The following MGST1 variants were observed in gnomAD, a reference collection of about 807,000 sequenced individuals.
MGST1 encodes glutathione S-transferase 12.
In MGST1, 5 loss-of-function variants were observed where a neutral mutation model predicts 8.9. The ratio of observed to expected loss-of-function variants is 0.56; its 90% CI spans 0.29 to 1.19. The LOEUF is 1.19. Among genes scored for constraint, MGST1 ranks in the 50% most tolerant of loss-of-function variants. The probability of loss-of-function intolerance (pLI) is 0.08; values close to 1 mark genes in which losing one functional copy is unlikely to be tolerated. For missense variants in MGST1, 182 were observed against 187.4 expected (o/e 0.97, Z 0.17); for synonymous variants, 54 against 67.8 (o/e 0.80, Z 1.00).
intron 4 of MGST1, among the ~76,000 whole-genome samples, chr12:16,528,973 G>A (rs1163892024): frequency 6.6e-6 from 1 of 151,908 alleles, no homozygotes; most frequent in Non-Finnish European, 1.5e-5. Context: ...ATGAAAGTCA[G>A]TGAGAGCTCT....
chr12:16,399,807 G>C, intron 1 of MGST1: 1 of 1,200,964 alleles, frequency 8.3e-7, no homozygotes, highest in East Asian at 2.3e-5. Flanking sequence ...GAGGCTACAA[G>C]AATGGCATTG....
chr12:16,455,746 T>C (rs1369134998), intron 4 of MGST1, among the ~76,000 whole-genome samples: 1 of 151,872 alleles, frequency 6.6e-6, no homozygotes, highest in East Asian at 1.9e-4. Context: ...ACAAGAAAGT[T>C]ACATTTATAA....
intron 4 of MGST1, among the ~76,000 whole-genome samples, chr12:16,502,856 AT>A (rs1457864332): frequency 1.3e-5 from 2 of 152,196 alleles, no homozygotes; most frequent in Non-Finnish European, 2.9e-5. Flanking sequence ...GGGAACAGAA[AT>A]TTAGTACTTC....
chr12:16,489,149 A>T (rs1332297249), intron 4 of MGST1, among the ~76,000 whole-genome samples: 1 of 152,148 alleles, frequency 6.6e-6, no homozygotes, highest in East Asian at 1.9e-4. Flanking sequence ...AAATAGGTAA[A>T]TACTTATTGA....
intron 4 of MGST1, among the ~76,000 whole-genome samples, chr12:16,487,625 T>C (rs1349720045): frequency 6.6e-6 from 1 of 152,090 alleles, no homozygotes; most frequent in African/African-American, 2.4e-5. Context: ...AGAGAAATAA[T>C]ATCTATATCT....
chr12:16,431,847 A>C (rs150469888), intron 1 of MGST1, among the ~76,000 whole-genome samples: 37 of 152,348 alleles, frequency 2.4e-4, no homozygotes, highest in Middle Eastern at 3.4e-3. Context: ...ACAACAACAA[A>C]AAAATGCAGT....
intron 4 of MGST1, among the ~76,000 whole-genome samples, chr12:16,463,682 T>C (rs1941236183): frequency 6.6e-6 from 1 of 152,036 alleles, no homozygotes; most frequent in South Asian, 2.1e-4. Flanking sequence ...TAAAAATAGA[T>C]TCTACTTTGA....
chr12:16,515,279 A>G (rs1049371425), intron 4 of MGST1, among the ~76,000 whole-genome samples: 2 of 152,214 alleles, frequency 1.3e-5, no homozygotes, highest in Non-Finnish European at 2.9e-5. Flanking sequence ...CCTTAGGCAC[A>G]AAGAATTTTA....
At chr12:16,385,999 C>A (rs1372780802) in intron 1 of MGST1, among the ~76,000 whole-genome samples, 3 of 152,168 alleles carry the variant, frequency 2.0e-5, no homozygotes, top group African/African-American at 7.2e-5. Context: ...TGCCTTCACT[C>A]TTTGCTTCAT....
intron 1 of MGST1, among the ~76,000 whole-genome samples, chr12:16,435,992 T>C (rs1293710341): frequency 6.7e-6 from 1 of 149,276 alleles, no homozygotes; most frequent in Non-Finnish European, 1.5e-5. Context: ...CTGCTGCAAA[T>C]ACACACACAC....
Position 16,363,594 on chromosome 12 carries a change from A to C in MGST1, c.222-201A>C. On this transcript the variant is annotated intron_variant, in intron 3 of 3. Transcript: ENST00000396210. This position sits in a 1 kb window ranked among gnomAD's most constrained non-coding sequence, Gnocchi z 4.6. ...ATATTTAAAGATACACTAAAAATAA[A>C]AAGAAACAGAAATAATGAGAGATTC... 1 of 395,832 alleles carries C rather than the reference A, an allele frequency of 2.5e-6. No homozygotes were observed. The highest frequency in any genetic ancestry group is 4.4e-6 in the Non-Finnish European group (1 of 228,034). 24.5% of individuals were successfully genotyped at this position (395,832 alleles called of 1,614,324 possible). A position where few individuals can be genotyped will look rare whatever the true frequency, so the allele number is the denominator to read the frequency against.
intron 4 of MGST1, among the ~76,000 whole-genome samples, chr12:16,510,338 A>G (rs1047702541): frequency 2.6e-5 from 4 of 152,200 alleles, no homozygotes; most frequent in African/African-American, 9.7e-5. Flanking sequence ...GAAAGGAGAG[A>G]AAAAGAAAGG....
intron 4 of MGST1, among the ~76,000 whole-genome samples, chr12:16,538,885 G>A (rs1383101111): frequency 2.0e-5 from 3 of 152,166 alleles, no homozygotes; most frequent in Non-Finnish European, 4.4e-5. Context: ...TGGGATTACA[G>A]GCATGAGCCA....
At chr12:16,541,870 G>T (rs1442174744) in intron 4 of MGST1, among the ~76,000 whole-genome samples, 1 of 152,038 alleles carries the variant, frequency 6.6e-6, no homozygotes. Context: ...ATCAGGCAGG[G>T]GTTGCTTTTG....
At position 16,409,331 on chromosome 12, in the gene MGST1, C is replaced by A. The variant is rs115842509; in HGVS notation, n.778+25727C>A. Among the ~76,000 whole-genome samples, 347 of 151,946 alleles carry A rather than the reference C, an allele frequency of 2.3e-3. 2 individuals are homozygous for A. The highest frequency in any genetic ancestry group is 7.6e-3 in the African/African-American group (316 of 41,450). On this transcript the variant is annotated intron_variant and non_coding_transcript_variant, in intron 1 of 1. Transcript: ENST00000359720. The stretch of plus-strand genomic sequence containing the variant: ...GCATACACACATATCCACACACACA[C>A]CTATATATATTCTGAAAGGAATCTC...
rs879806960 is a variant in MGST1, at chr12:16,348,863, C to T, written c.-23+1153C>T. On this transcript the variant is annotated intron_variant, in intron 1 of 3. Coordinates refer to ENST00000396210, the MANE Select transcript of MGST1 (RefSeq NM_020300.5). ...TTTGGATATTACCCTCTCTGGCAGA[C>T]GAGTAAAATTTTTCTACCGCTTTGT... The T allele has an allele frequency of 6.0e-5, 9 of 149,758 alleles. No homozygotes were observed. The South Asian group carries it at 6.4e-4, about 11-fold the overall frequency. 9.3% of individuals were successfully genotyped at this position (149,758 alleles called of 1,614,324 possible). A position where few individuals can be genotyped will look rare whatever the true frequency, so the allele number is the denominator to read the frequency against.
rs566541242 is a variant in MGST1 at position 16,358,933 on chromosome 12, A to T, written c.221+1234A>T. Among the ~76,000 whole-genome samples the T allele has an allele frequency of 1.7e-3, 252 of 151,402 alleles. 2 individuals are homozygous for T. Among genetic ancestry groups the T allele is most frequent in the African/African-American group, 6.0e-3 (248 of 41,250 alleles). ...GTGAAAGTCTGAAGCCCCTCCCAAG[A>T]TTTCTGCAGATTCCCTTATGGCATA... On this transcript the variant is annotated intron_variant, in intron 3 of 3. Transcript: ENST00000396210.
At chr12:16,368,745 TCA>T (rs1403712489), downstream of MGST1, among the ~76,000 whole-genome samples, 1 of 152,034 alleles carries the variant, frequency 6.6e-6, no homozygotes, top group Non-Finnish European at 1.5e-5. Flanking sequence ...AGGCCCTAAG[TCA>T]CATTTAATTC....
chr12:16,356,009 T>C (rs189769310), intron 2 of MGST1, among the ~76,000 whole-genome samples: 41 of 152,250 alleles, frequency 2.7e-4, no homozygotes, highest in African/African-American at 6.0e-4. Context: ...TATCCTCACA[T>C]TGGCAGAGCA....
Sources: gnomAD v4.1 joint callset for allele counts (sites outside exome capture counted in the v4.1 genomes callset) on GRCh38, gnomAD v4.1.1 for gene constraint, Gnocchi (gnomAD v3.1) non-coding constraint, MANE v1.5 for transcripts, NCBI Gene and HGNC (gene_info 2026-07-23, HGNC 2026-07-21) for gene names.